Variants in DCAF1 observed in about 807,000 individuals in gnomAD.
DCAF1 encodes the protein DDB1 and CUL4 associated factor 1.
Under a neutral mutation model 128.0 loss-of-function variants are expected in DCAF1, and 15 were observed. The ratio of observed to expected loss-of-function variants is 0.12; its 90% CI spans 0.08 to 0.18. The LOEUF is 0.18. Among genes scored for constraint, DCAF1 ranks in the 10% least tolerant of loss-of-function variants. The pLI is 1.00. For synonymous variants in DCAF1, 610 were observed against 603.0 expected (o/e 1.01, Z -0.17); for missense variants, 988 against 1,649.5 (o/e 0.60, Z 6.95).
At chr3:51,461,853 A>G (rs1439029984) in intron 6 of DCAF1, among the ~76,000 whole-genome samples, 2 of 152,062 alleles carry the variant, frequency 1.3e-5, no homozygotes, top group Admixed American at 6.6e-5. Context: ...ATAGGTGGGA[A>G]TTGAACAATG....
At chr3:51,458,690 C>G (rs28829025) in intron 6 of DCAF1, among the ~76,000 whole-genome samples, 1 of 151,890 alleles carries the variant, frequency 6.6e-6, no homozygotes, top group Non-Finnish European at 1.5e-5. Flanking sequence ...CAAATGTAAA[C>G]GAACAGAAAT....
intron 2 of DCAF1, among the ~76,000 whole-genome samples, chr3:51,484,682 CTTTTTTTTT>C (rs1228009412): frequency 7.9e-6 from 1 of 127,090 alleles, no homozygotes; most frequent in Non-Finnish European, 1.7e-5. Flanking sequence ...TTAATTTTTT[CTTTTTTTTT>C]TTTTTTTTTG....
rs1703787306 is a variant in DCAF1 at position 51,463,155 on chromosome 3, T to G, written c.334A>C (p.Ile112Leu). 1 of 1,596,172 alleles carries G rather than the reference T, an allele frequency of 6.3e-7. No individual in the cohort carries two copies. The highest frequency in any genetic ancestry group is 1.3e-5 in the African/African-American group (1 of 74,288). ...NTAACRLLLD[I>L]MPGLETAVVF... ...ACAGCAGTTTCCAGCCCTGGCATGA[T>G]GTCTAATAGGAGTCTGCAAGCTGCA... Residue 112 changes from isoleucine (I) to leucine (L), a missense_variant, in exon 6 of 25, where the codon ATC (isoleucine) becomes CTC (leucine). Physicochemically the swap from Ile to Leu is conservative, Grantham distance 5 (BLOSUM62 2). This residue lies in a region of DCAF1 where 210 missense variants were observed against 260.2 expected (regional missense o/e 0.81). Coordinates refer to ENST00000684031, the MANE Select transcript of DCAF1 (RefSeq NM_001387579.1).
chr3:51,487,323 T>C (rs1352179541), intron 2 of DCAF1, among the ~76,000 whole-genome samples: 3 of 152,206 alleles, frequency 2.0e-5, no homozygotes, highest in Admixed American at 2.0e-4. Context: ...GCTGCAAAGA[T>C]AGTACACAGT....
At chr3:51,461,092 A>G (rs1380684317) in intron 6 of DCAF1, among the ~76,000 whole-genome samples, 1 of 151,506 alleles carries the variant, frequency 6.6e-6, no homozygotes, top group Non-Finnish European at 1.5e-5. Flanking sequence ...GCTTCTGCAC[A>G]GCAAAAGAAA....
intron 3 of DCAF1, among the ~76,000 whole-genome samples, chr3:51,478,952 AG>A (rs1287103459): frequency 6.6e-6 from 1 of 152,182 alleles, no homozygotes; most frequent in Non-Finnish European, 1.5e-5. Flanking sequence ...ATAATATTAT[AG>A]TTCTTTCTCC....
chr3:51,504,723 G>A (rs1488969395), upstream of DCAF1, among the ~76,000 whole-genome samples: 1 of 152,128 alleles, frequency 6.6e-6, no homozygotes, highest in Non-Finnish European at 1.5e-5. Flanking sequence ...GGGATCTCTG[G>A]CCTGACCCAT....
intron 10 of DCAF1, among the ~76,000 whole-genome samples, chr3:51,431,223 T>C (rs1277523435): frequency 6.6e-6 from 1 of 151,968 alleles, no homozygotes; most frequent in Non-Finnish European, 1.5e-5. Context: ...TTACACTTTT[T>C]AAAAAATCAC....
At chr3:51,432,747 C>G (rs1040258148) in intron 10 of DCAF1, among the ~76,000 whole-genome samples, 4 of 152,308 alleles carry the variant, frequency 2.6e-5, no homozygotes, top group Non-Finnish European at 5.9e-5. Flanking sequence ...GCGTGAGCCA[C>G]TGCGCCCGGC....
chr3:51,498,222 T>C (rs1708451223), intron 1 of DCAF1, among the ~76,000 whole-genome samples: 1 of 150,468 alleles, frequency 6.6e-6, no homozygotes, highest in Non-Finnish European at 1.5e-5. Context: ...TATCCGGGCG[T>C]GGTGGCGCGT....
intron 3 of DCAF1, among the ~76,000 whole-genome samples, chr3:51,478,945 A>G (rs1705820558): frequency 6.6e-6 from 1 of 152,164 alleles, no homozygotes. Flanking sequence ...AACTTTCATA[A>G]TATTATAGTT....
intron 2 of DCAF1, 110 bp from the exon 3 acceptor site, chr3:51,483,946 G>A (rs931600570): frequency 1.1e-4 from 84 of 767,744 alleles, no homozygotes; most frequent in Middle Eastern, 2.7e-4. Flanking sequence ...AAATTAAAAA[G>A]GGAAATTTAA....
At chr3:51,476,521 C>CA (rs1371371555) in intron 3 of DCAF1, among the ~76,000 whole-genome samples, 25 of 63,434 alleles carry the variant, frequency 3.9e-4, no homozygotes, top group Admixed American at 4.5e-4. Context: ...AATGGTCTTA[C>CA]AAAAAAAAAA....
chr3:51,414,573 C>A, intron 19 of DCAF1, 51 bp downstream of exon 19: 2 of 1,591,688 alleles, frequency 1.3e-6, no homozygotes, highest in Admixed American at 1.7e-5. Flanking sequence ...ATTATTTCTG[C>A]ACCACAAACC....
intron 9 of DCAF1, chr3:51,437,941 C>A: frequency 4.8e-6 from 1 of 206,416 alleles, no homozygotes; most frequent in Non-Finnish European, 1.0e-5. Flanking sequence ...ATCCTGGAAA[C>A]CCAAACAAAA....
At chr3:51,424,349 G>A (rs532543615) in intron 13 of DCAF1, among the ~76,000 whole-genome samples, 44 of 151,176 alleles carry the variant, frequency 2.9e-4, no homozygotes, top group African/African-American at 1.0e-3. Context: ...GCCATAAGCC[G>A]AGATTGCACC....
At chr3:51,452,731 G>A (rs1702479091) in intron 6 of DCAF1, among the ~76,000 whole-genome samples, 2 of 152,174 alleles carry the variant, frequency 1.3e-5, no homozygotes, top group Admixed American at 1.3e-4. Context: ...TCTGTTATCG[G>A]CTGGGTGCAG....
intron 12 of DCAF1, among the ~76,000 whole-genome samples, chr3:51,428,331 C>CTTTTTT (rs35486639): frequency 5.4e-5 from 6 of 110,508 alleles, no homozygotes; most frequent in Non-Finnish European, 8.6e-5. Flanking sequence ...CCACCATGCC[C>CTTTTTT]TTTTTTTTTT....
chr3:51,413,831 G>T, intron 20 of DCAF1, 119 bp downstream of exon 20: 1 of 1,232,498 alleles, frequency 8.1e-7, no homozygotes, highest in Non-Finnish European at 1.0e-6. Context: ...TATCTTTTAT[G>T]TTACAACTCT....
Sources: gnomAD v4.1 joint callset for allele counts (sites outside exome capture counted in the v4.1 genomes callset) on GRCh38, gnomAD v4.1.1 for gene constraint, gnomAD v4.1.1 regional missense constraint, MANE v1.5 for transcripts, NCBI Gene and HGNC (gene_info 2026-07-23, HGNC 2026-07-21) for gene names.